Variants in NIF3L1 observed in about 807,000 individuals in gnomAD.
The protein encoded by NIF3L1 is NGG1 interacting factor 3 like 1.
Under a neutral mutation model 35.0 loss-of-function variants are expected in NIF3L1, and 26 were observed. That is an observed-to-expected ratio of 0.74 (90% CI 0.54 to 1.03). The LOEUF is 1.03. Ranked by LOEUF, NIF3L1 falls within the 50% of genes least tolerant of loss-of-function variation. NIF3L1 has a pLI of 0.00. For missense variants in NIF3L1, 449 were observed against 466.3 expected, an observed-to-expected ratio of 0.96 and a Z score of 0.34; for synonymous variants, 157 against 178.9, an observed-to-expected ratio of 0.88 and a Z score of 0.98.
rs1481018982 is a variant in NIF3L1 at position 200,903,712 on chromosome 2, T to A, written c.*34T>A. 2 of 1,569,458 alleles carry A rather than the reference T, an allele frequency of 1.3e-6. No individual in the cohort carries two copies. Among genetic ancestry groups the A allele is most frequent in the Admixed American group, 3.3e-5 (2 of 59,972 alleles). ...ACATCAGGATAACACATTCTACAAA[T>A]CAGCTGGATGCCAACTTAAATTTGT... On this transcript the variant is annotated 3_prime_UTR_variant, in exon 7 of 7. Transcript: ENST00000409020.
In NIF3L1 at chr2:200,892,353, T is replaced by C; in HGVS notation, c.410T>C (p.Val137Ala). ...HTAYDAAPQG[V>A]NNWLAKGLGA... ...GCCTATGATGCTGCGCCCCAGGGCG[T>C]CAACAACTGGTTGGCTAAAGGGCTT... The change falls in exon 2 of 7, where the codon GTC becomes GCC. Residue 137 changes from valine (V) to alanine (A), a missense_variant. Transcript: ENST00000409020. The C allele has an allele frequency of 1.2e-6, 2 of 1,603,750 alleles. No homozygotes were observed. Among genetic ancestry groups the C allele is most frequent in the South Asian group, 2.2e-5 (2 of 90,246 alleles).
At chr2:200,898,834 A>C (rs2040361771) in intron 5 of NIF3L1, among the ~76,000 whole-genome samples, 1 of 152,186 alleles carries the variant, frequency 6.6e-6, no homozygotes, top group African/African-American at 2.4e-5. Context: ...TCCTCTTTTT[A>C]TAGTCCTTTT....
Position 200,892,128 on chromosome 2 carries a change from A to C in NIF3L1, c.185A>C (p.His62Pro). The C allele has an allele frequency of 2.5e-6, 4 of 1,614,216 alleles. No individual in the cohort carries two copies. Among genetic ancestry groups the C allele is most frequent in the Non-Finnish European group, 3.4e-6 (4 of 1,180,038 alleles). ...VGLLVEPSPPHTVNTLFLTND... is the reference protein window; with the variant it reads ...VGLLVEPSPPPTVNTLFLTND... Reference sequence around the variant, plus strand: ...TTACTGGTGGAACCAAGCCCACCACATACTGTAAATACACTCTTCCTGACC... The same window carrying C: ...TTACTGGTGGAACCAAGCCCACCACCTACTGTAAATACACTCTTCCTGACC... Residue 62 changes from histidine to proline, a missense_variant, in exon 2 of 7, where the codon CAT becomes CCT. His to Pro is a moderately conservative substitution (Grantham distance 77, BLOSUM62 -2). Transcript: ENST00000409020.
chr2:200,898,066 G>A (rs751259156), intron 5 of NIF3L1, among the ~76,000 whole-genome samples: 21 of 152,186 alleles, frequency 1.4e-4, no homozygotes, highest in African/African-American at 2.4e-4. Flanking sequence ...ATGTGACATG[G>A]CACAGTGATT....
At position 200,892,005 on chromosome 2, in the gene NIF3L1, G is replaced by T; in HGVS notation, c.62G>T (p.Cys21Phe). 1 of 1,614,044 alleles carries T rather than the reference G, an allele frequency of 6.2e-7. No homozygotes were observed. Among genetic ancestry groups the T allele is most frequent in the Non-Finnish European group, 8.5e-7 (1 of 1,179,906 alleles). The stretch of plus-strand genomic sequence containing the variant: ...GTCCGGTTTGTAGATTCCCTGATCT[G>T]CAATTCTTCCCGTTCCTTCATGGAT... Reference protein sequence around the residue: ...TTVRFVDSLICNSSRSFMDLK... With the variant: ...TTVRFVDSLIFNSSRSFMDLK... The change falls in exon 2 of 7, where the codon TGC becomes TTC. Residue 21 changes from cysteine to phenylalanine, a missense_variant. By Grantham distance (205) the Cys-to-Phe change is radical. Coordinates refer to ENST00000409020, the MANE Select transcript of NIF3L1 (RefSeq NM_001369441.2).
chr2:200,894,173 C>CAA (rs548333663), intron 3 of NIF3L1, among the ~76,000 whole-genome samples: 27 of 66,534 alleles, frequency 4.1e-4, no homozygotes, highest in South Asian at 1.0e-3. Context: ...GACTCTGTCT[C>CAA]AAAAAAAAAA....
In NIF3L1 at chr2:200,895,376, C is replaced by T. The variant is rs2040287087; in HGVS notation, c.712C>T (p.Leu238=). The T allele has an allele frequency of 6.2e-7, 1 of 1,613,974 alleles. No individual in the cohort carries two copies. The highest frequency in any genetic ancestry group is 8.5e-7 in the Non-Finnish European group (1 of 1,179,906). The change falls in exon 4 of 7, where the codon CTG becomes TTG. Residue 238 remains leucine (L), a synonymous_variant. Coordinates refer to ENST00000409020, the MANE Select transcript of NIF3L1 (RefSeq NM_001369441.2). ...NKQLYQKTEI[L]SLEKPLLLHT... Reference sequence around the variant, plus strand: ...ACAACTTTATCAGAAGACGGAAATTCTGTCACTGGAGAAGGTAATAAGAAT... The same window carrying T: ...ACAACTTTATCAGAAGACGGAAATTTTGTCACTGGAGAAGGTAATAAGAAT...
Position 200,903,733 on chromosome 2 carries a change from T to A in NIF3L1, c.*55T>A. On this transcript the variant is annotated 3_prime_UTR_variant, in exon 7 of 7. Transcript: ENST00000409020. ...CAAATCAGCTGGATGCCAACTTAAA[T>A]TTGTAACATGAGTCAGTGGGACTGG... 7.0e-7 allele frequency: 1 copy of A among 1,422,314 alleles called. No homozygotes were observed. Among genetic ancestry groups the A allele is most frequent in the Non-Finnish European group, 9.9e-7 (1 of 1,005,500 alleles). 88.1% of individuals were successfully genotyped at this position (1,422,314 alleles called of 1,614,324 possible). A position where few individuals can be genotyped will look rare whatever the true frequency, so the allele number is the denominator to read the frequency against.
At position 200,895,766 on chromosome 2, in the gene NIF3L1, C is replaced by T. The variant is rs12464859; in HGVS notation, c.726+376C>T. Among the ~76,000 whole-genome samples the T allele has an allele frequency of 5.2e-3, 790 of 152,246 alleles. 19 individuals are homozygous for T. Among genetic ancestry groups the T allele is most frequent in the Admixed American group, 0.046 (702 of 15,276 alleles). ...AGGTTTGCTGTCTCCTTATTTTACA[C>T]GCTCTGCCTGGACCATGTCATTCAC... is the stretch of plus-strand genomic sequence containing the variant. On this transcript the variant is annotated intron_variant, in intron 4 of 6. Coordinates refer to ENST00000409020, the MANE Select transcript of NIF3L1 (RefSeq NM_001369441.2).
chr2:200,894,990 T>G (rs2040276680), intron 3 of NIF3L1, among the ~76,000 whole-genome samples: 1 of 152,038 alleles, frequency 6.6e-6, no homozygotes, highest in Non-Finnish European at 1.5e-5. Flanking sequence ...AAAGGTAACC[T>G]CTCAGACCCC....
rs2040287642 is a variant in NIF3L1, at chr2:200,895,393, A to G, written c.726+3A>G. The G allele has an allele frequency of 6.2e-7, 1 of 1,613,884 alleles. No homozygotes were observed. Among genetic ancestry groups the G allele is most frequent in the Non-Finnish European group, 8.5e-7 (1 of 1,179,816 alleles). ...CGGAAATTCTGTCACTGGAGAAGGT[A>G]ATAAGAATATTTTGTATTTGATCTT... On this transcript the variant is annotated splice_donor_region_variant and intron_variant, in intron 4 of 6. Transcript: ENST00000409020.
At position 200,903,499 on chromosome 2, in the gene NIF3L1, A is replaced by G. The variant is rs1559352311; in HGVS notation, c.955A>G (p.Met319Val). Reference sequence around the variant, plus strand: ...TGCTCTTCCCTTTTTGGTAGGTGAGATGTCCCATCATGATACTTTGGATGC... The same window carrying G: ...TGCTCTTCCCTTTTTGGTAGGTGAGGTGTCCCATCATGATACTTTGGATGC... ...VEADLYLTGE[M>V]SHHDTLDAAS... is the part of the protein sequence containing the mutation. Residue 319 changes from methionine (M) to valine (V), a missense_variant, in exon 7 of 7, where the codon ATG becomes GTG. Transcript: ENST00000409020. 6.2e-7 allele frequency: 1 copy of G among 1,610,758 alleles called. No homozygotes were observed. The highest frequency in any genetic ancestry group is 8.5e-7 in the Non-Finnish European group (1 of 1,177,232).
At position 200,897,340 on chromosome 2, in the gene NIF3L1, G is replaced by A. The variant is rs756107936; in HGVS notation, c.865+126G>A. ...AGCTCATAGGAGATAATTGGTTTACGTTATTGATTAGGGTGGGCCAGGTTC... is the reference window on the plus strand; with the variant it reads ...AGCTCATAGGAGATAATTGGTTTACATTATTGATTAGGGTGGGCCAGGTTC... On this transcript the variant is annotated intron_variant, in intron 5 of 6. Coordinates refer to ENST00000409020, the MANE Select transcript of NIF3L1 (RefSeq NM_001369441.2). 178 of 1,039,806 alleles carry A rather than the reference G, an allele frequency of 1.7e-4. 1 individual carries two copies. Among genetic ancestry groups the A allele is most frequent in the Non-Finnish European group, 2.3e-4 (163 of 722,334 alleles). The allele number at this position is 1,039,806 out of a possible 1,614,324, so 64.4% of individuals were successfully genotyped here.
At chr2:200,891,835 G>A in intron 1 of NIF3L1, 83 bp from the exon 2 acceptor site, 1 of 791,680 alleles carries the variant, frequency 1.3e-6, no homozygotes. Context: ...TATGACGACA[G>A]CTCTTTTGCC....
intron 4 of NIF3L1, among the ~76,000 whole-genome samples, chr2:200,896,618 C>G (rs939226355): frequency 5.3e-5 from 8 of 152,186 alleles, no homozygotes; most frequent in African/African-American, 1.9e-4. Flanking sequence ...GGGTCTGGCT[C>G]TGTCCCCAGG....
intron 4 of NIF3L1, 129 bp downstream of exon 4, chr2:200,895,519 GA>G: frequency 1.2e-6 from 1 of 861,618 alleles, no homozygotes; most frequent in South Asian, 1.7e-5. Flanking sequence ...GATATACTAA[GA>G]ATTGTACATA....
chr2:200,895,336 TCTTTCCCGGAACAAACAA>T lies in NIF3L1; in HGVS notation c.677_694del (p.Ser226_Leu231del). 6.2e-7 allele frequency: 1 copy of T among 1,614,072 alleles called. No individual in the cohort carries two copies. ...AGGCTTTGATGCAGGTGGTAGATTT[TCTTTCCCGGAACAAACAA>T]CTTTATCAGAAGACGGAAATTCTGT... On this transcript the variant is annotated inframe_deletion, in exon 4 of 7. Coordinates refer to ENST00000409020, the MANE Select transcript of NIF3L1 (RefSeq NM_001369441.2).
chr2:200,889,689 G>A (rs2040123709), intron 1 of NIF3L1, 37 bp downstream of exon 1: 1 of 153,438 alleles, frequency 6.5e-6, no homozygotes, highest in Non-Finnish European at 1.5e-5. Flanking sequence ...TTGCAAAGGG[G>A]CCCTACTGAT....
Position 200,902,630 on chromosome 2 carries a change from A to G in NIF3L1, c.950-864A>G, listed in dbSNP as rs539466333. Among the ~76,000 whole-genome samples, 7 of 152,318 alleles carry G rather than the reference A, an allele frequency of 4.6e-5. No individual in the cohort carries two copies. In the East Asian group the frequency reaches 1.2e-3, roughly 25 times the overall value. The stretch of plus-strand genomic sequence containing the variant: ...TGAATTTTCCCCAAATCTTTTCACA[A>G]CAGATGAGATTCCCTCCAGAGTTTC... On this transcript the variant is annotated intron_variant, in intron 6 of 6. Coordinates refer to ENST00000409020, the MANE Select transcript of NIF3L1 (RefSeq NM_001369441.2).
Sources: gnomAD v4.1 joint callset for allele counts (sites outside exome capture counted in the v4.1 genomes callset) on GRCh38, gnomAD v4.1.1 for gene constraint, MANE v1.5 for transcripts, NCBI Gene and HGNC (gene_info 2026-07-23, HGNC 2026-07-21) for gene names.